The following KBTBD12 variants were observed in gnomAD, a reference collection of about 807,000 sequenced individuals.
The protein encoded by KBTBD12 is kelch repeat and BTB domain-containing protein 12.
In KBTBD12, 53 loss-of-function variants were observed where a neutral mutation model predicts 58.7. That is an observed-to-expected ratio of 0.90 (90% CI 0.72 to 1.14). The LOEUF is 1.14. KBTBD12 is among the 50% of genes most tolerant of loss of function. The pLI is 0.00. For missense variants in KBTBD12, 704 were observed against 751.3 expected, an observed-to-expected ratio of 0.94 and a Z score of 0.74; for synonymous variants, 236 against 259.8, an observed-to-expected ratio of 0.91 and a Z score of 0.88.
chr3:127,941,749 G>A lies in KBTBD12; in HGVS notation c.1492+11466G>A, dbSNP rs77011191. Reference sequence around the variant, plus strand: ...CAAGTAGCTGGGGTTACAGGCACCTGCCATCACGCCCAGCTCATTTTTGTA... The same window carrying A: ...CAAGTAGCTGGGGTTACAGGCACCTACCATCACGCCCAGCTCATTTTTGTA... On this transcript the variant is annotated intron_variant, in intron 4 of 5. Coordinates refer to ENST00000405109, the MANE Select transcript of KBTBD12 (RefSeq NM_207335.4). Among the ~76,000 whole-genome samples the A allele has an allele frequency of 7.7e-3, 1,176 of 152,188 alleles. 28 individuals carry two copies. Among genetic ancestry groups the A allele is most frequent in the African/African-American group, 0.027 (1,123 of 41,534 alleles).
At chr3:127,916,338 C>G (rs1939239939) in intron 1 of KBTBD12, among the ~76,000 whole-genome samples, 1 of 152,136 alleles carries the variant, frequency 6.6e-6, no homozygotes, top group African/African-American at 2.4e-5. Context: ...CATTTCCTAC[C>G]AGCCTCTGCA....
chr3:127,932,189 A>C (rs928367862), intron 4 of KBTBD12, among the ~76,000 whole-genome samples: 1 of 152,138 alleles, frequency 6.6e-6, no homozygotes, highest in Non-Finnish European at 1.5e-5. Context: ...TGATCACCCC[A>C]GTGAGCTTTA....
At chr3:127,947,918 T>C (rs1940118488) in intron 4 of KBTBD12, among the ~76,000 whole-genome samples, 1 of 152,232 alleles carries the variant, frequency 6.6e-6, no homozygotes, top group Non-Finnish European at 1.5e-5. Context: ...TTACTGTTTC[T>C]GCACCTCTCC....
At chr3:127,961,177 C>T (rs553421312) in intron 4 of KBTBD12, among the ~76,000 whole-genome samples, 94 of 152,304 alleles carry the variant, frequency 6.2e-4, no homozygotes, top group African/African-American at 2.2e-3. Context: ...TTGCTTGTTT[C>T]AACTCCTATG....
chr3:127,963,267 G>A lies in KBTBD12; in HGVS notation c.1571G>A (p.Gly524Glu), dbSNP rs768211395. ...GTGGTGGAGATCTACAACCCAGATG[G>A]GGACTTTTGGCGAGAGGGCCCTCCC... ...LDVVEIYNPDGDFWREGPPMP... is the reference protein window; with the variant it reads ...LDVVEIYNPDEDFWREGPPMP... Residue 524 changes from glycine (G) to glutamate (E), a missense_variant, in exon 5 of 6, where the codon GGG becomes GAG. Gly to Glu is a moderately conservative substitution (Grantham distance 98). Coordinates refer to ENST00000405109, the MANE Select transcript of KBTBD12 (RefSeq NM_207335.4). The A allele has an allele frequency of 1.2e-6, 2 of 1,612,434 alleles. No homozygotes were observed. The highest frequency in any genetic ancestry group is 3.3e-5 in the Admixed American group (2 of 59,848).
At chr3:127,930,097 G>A in intron 3 of KBTBD12, 36 bp from the exon 4 acceptor site, 2 of 1,540,612 alleles carry the variant, frequency 1.3e-6, no homozygotes, top group Non-Finnish European at 1.8e-6. Flanking sequence ...ATTGCTAAAT[G>A]ATATGTTATT....
intron 4 of KBTBD12, among the ~76,000 whole-genome samples, chr3:127,950,961 G>A (rs986393960): frequency 1.4e-4 from 22 of 152,238 alleles, no homozygotes; most frequent in Admixed American, 1.2e-3. Context: ...CATGGGAGGC[G>A]GAGGTTGCAG....
At chr3:127,965,854 A>C (rs1195146101) in intron 5 of KBTBD12, among the ~76,000 whole-genome samples, 1 of 152,214 alleles carries the variant, frequency 6.6e-6, no homozygotes, top group Non-Finnish European at 1.5e-5. Context: ...CAGATGTATG[A>C]GAAAGTGTAA....
intron 5 of KBTBD12, among the ~76,000 whole-genome samples, chr3:127,971,244 A>G (rs1324971880): frequency 2.0e-5 from 3 of 152,200 alleles, no homozygotes; most frequent in Non-Finnish European, 4.4e-5. Flanking sequence ...AGGTACCTGC[A>G]AAAGATTCCT....
At chr3:127,972,867 T>G (rs1292889983) in intron 5 of KBTBD12, among the ~76,000 whole-genome samples, 1 of 152,218 alleles carries the variant, frequency 6.6e-6, no homozygotes, top group Non-Finnish European at 1.5e-5. Flanking sequence ...GTAGAAGTCA[T>G]GATAGAAGGA....
At chr3:127,937,973 C>T (rs75868210) in intron 4 of KBTBD12, among the ~76,000 whole-genome samples, 3,096 of 151,956 alleles carry the variant, frequency 0.02, 113 homozygotes, top group African/African-American at 0.07. Context: ...TTCAAGAATA[C>T]GGATGAAATA....
chr3:127,973,930 C>A (rs958331822), intron 5 of KBTBD12, among the ~76,000 whole-genome samples: 2 of 152,102 alleles, frequency 1.3e-5, no homozygotes, highest in Non-Finnish European at 2.9e-5. Flanking sequence ...ATCCCCGTGC[C>A]CCCCAGCCAC....
intron 4 of KBTBD12, among the ~76,000 whole-genome samples, chr3:127,939,198 G>A (rs1400193583): frequency 6.6e-6 from 1 of 152,170 alleles, no homozygotes; most frequent in Non-Finnish European, 1.5e-5. Flanking sequence ...AACTCAAAGG[G>A]AGAAGAAACT....
intron 1 of KBTBD12, among the ~76,000 whole-genome samples, chr3:127,917,103 G>A (rs1396319954): frequency 2.6e-5 from 4 of 152,182 alleles, no homozygotes; most frequent in Admixed American, 1.3e-4. Context: ...CAGCTTGGGT[G>A]TCCTCTAACT....
At chr3:127,920,521 T>G (rs1352415763) in intron 1 of KBTBD12, among the ~76,000 whole-genome samples, 2 of 152,058 alleles carry the variant, frequency 1.3e-5, no homozygotes, top group East Asian at 1.9e-4. Context: ...TTTAAACTAG[T>G]GAAACTTCAG....
Position 127,928,027 on chromosome 3 carries a change from C to T in KBTBD12, c.1334C>T (p.Thr445Ile). Residue 445 changes from threonine (T) to isoleucine (I), a missense_variant, in exon 3 of 6, where the codon ACC becomes ATC. Transcript: ENST00000405109. ...NNKLYVIGGW[T>I]PQMDLPDEEP... ...AAACTTTATGTAATTGGAGGCTGGA[C>T]CCCTCAGGTTAAGAAATTTCCTGTA... is the stretch of plus-strand genomic sequence containing the variant. 1 of 1,613,076 alleles carries T rather than the reference C, an allele frequency of 6.2e-7. No individual in the cohort carries two copies. Among genetic ancestry groups the T allele is most frequent in the South Asian group, 1.1e-5 (1 of 91,016 alleles).
intron 5 of KBTBD12, among the ~76,000 whole-genome samples, chr3:127,970,518 AGT>A (rs1361732376): frequency 6.6e-6 from 1 of 152,240 alleles, no homozygotes; most frequent in Admixed American, 6.5e-5. Flanking sequence ...AAACAACCCA[AGT>A]GTCCATCCAC....
intron 1 of KBTBD12, among the ~76,000 whole-genome samples, chr3:127,916,404 A>T (rs1939242204): frequency 6.6e-6 from 1 of 152,190 alleles, no homozygotes; most frequent in Admixed American, 6.5e-5. Context: ...GTGGAGACGT[A>T]ATCGTATAAA....
chr3:127,967,786 G>A (rs1246452787), intron 5 of KBTBD12, among the ~76,000 whole-genome samples: 2 of 152,234 alleles, frequency 1.3e-5, no homozygotes, highest in African/African-American at 4.8e-5. Flanking sequence ...AATAACAAGA[G>A]AGTATTAAGA....
Sources: allele counts gnomAD v4.1 joint callset (sites outside exome capture counted in the v4.1 genomes callset), GRCh38; gene constraint gnomAD v4.1.1; transcripts MANE v1.5; gene names NCBI Gene and HGNC (gene_info 2026-07-23, HGNC 2026-07-21).